The following RARB variants were observed in gnomAD, a reference collection of about 807,000 sequenced individuals.
RARB encodes retinoic acid receptor beta.
RARB carries 17 observed loss-of-function variants against 51.9 expected under a neutral mutation model. The ratio of observed to expected loss-of-function variants is 0.33; its 90% confidence interval spans 0.22 to 0.49. RARB has a LOEUF of 0.49. Ranked by LOEUF, RARB falls within the 20% of genes least tolerant of loss-of-function variation. The pLI is 0.99. For missense variants in RARB, 369 were observed against 550.8 expected (o/e 0.67, Z 3.30); for synonymous variants, 215 against 195.4 (o/e 1.10, Z -0.84).
chr3:24,887,720 A>T (rs1294210567), intron 2 of RARB, among the ~76,000 whole-genome samples: 1 of 152,194 alleles, frequency 6.6e-6, no homozygotes, highest in Admixed American at 6.6e-5. Context: ...GTCTTAAATT[A>T]TCTTTTTCCT....
chr3:25,571,324 A>G (rs1271889901), intron 4 of RARB, among the ~76,000 whole-genome samples: 1 of 152,244 alleles, frequency 6.6e-6, no homozygotes, highest in Admixed American at 6.5e-5. Context: ...GGCATGGCCT[A>G]GGGGCATTTC....
Position 25,501,184 on chromosome 3 carries a change from CT to C in RARB, c.314del (p.Phe105SerfsTer9), listed in dbSNP as rs1366268898. 6.4e-6 allele frequency: 10 copies of C among 1,569,248 alleles called. No homozygotes were observed. The highest frequency in any genetic ancestry group is 2.4e-5 in the South Asian group (2 of 82,988). ...GVSACEGCKG[F>X]FRRSIQKNMI... ...TTCATCTTCTTGCTTGCTTGCAGGGCTTTTTCCGCAGAAGTATTCAGAAGAA... is the reference window on the plus strand; with the variant it reads ...TTCATCTTCTTGCTTGCTTGCAGGGCTTTTCCGCAGAAGTATTCAGAAGAA... On this transcript the variant is annotated frameshift_variant, in exon 3 of 8. Transcript: ENST00000330688. LOFTEE classifies it high-confidence loss of function.
At chr3:25,344,247 A>T (rs1705320385) in intron 5 of RARB, among the ~76,000 whole-genome samples, 1 of 152,222 alleles carries the variant, frequency 6.6e-6, no homozygotes, top group Admixed American at 6.5e-5. Context: ...GAAGATAGTC[A>T]CATCATACGT....
intron 2 of RARB, among the ~76,000 whole-genome samples, chr3:24,875,131 AAAG>A (rs1255951089): frequency 3.3e-5 from 5 of 152,154 alleles, no homozygotes; most frequent in African/African-American, 4.8e-5. Context: ...ATTTTTAAAA[AAAG>A]ATTTACATAC....
intron 5 of RARB, among the ~76,000 whole-genome samples, chr3:25,420,838 G>A (rs943001228): frequency 7.9e-5 from 12 of 151,942 alleles, no homozygotes; most frequent in Admixed American, 4.6e-4. Flanking sequence ...GTAGAAGAAC[G>A]GGTAGGTGAA....
intron 5 of RARB, among the ~76,000 whole-genome samples, chr3:25,374,297 T>C (rs1290433856): frequency 6.6e-6 from 1 of 152,044 alleles, no homozygotes; most frequent in Non-Finnish European, 1.5e-5. Flanking sequence ...GGTACACAAG[T>C]CTCAGGACCA....
At chr3:25,285,100 C>G (rs1703617350) in intron 5 of RARB, among the ~76,000 whole-genome samples, 1 of 152,084 alleles carries the variant, frequency 6.6e-6, no homozygotes, top group South Asian at 2.1e-4. Flanking sequence ...ATGGGGCTTC[C>G]AGTTTAATAG....
At chr3:25,443,060 G>A (rs148490345) in intron 1 of RARB, among the ~76,000 whole-genome samples, 147 of 152,246 alleles carry the variant, frequency 9.7e-4, no homozygotes, top group African/African-American at 3.5e-3. Context: ...TCCTGCTTAC[G>A]TGTGTCCTCT....
chr3:24,895,090 A>C (rs1703451478), intron 2 of RARB, among the ~76,000 whole-genome samples: 1 of 152,214 alleles, frequency 6.6e-6, no homozygotes, highest in Non-Finnish European at 1.5e-5. Flanking sequence ...AGGAAAGTAA[A>C]GTTGCCTATT....
intron 5 of RARB, among the ~76,000 whole-genome samples, chr3:25,417,990 C>G (rs1287464653): frequency 6.6e-6 from 1 of 152,156 alleles, no homozygotes; most frequent in Non-Finnish European, 1.5e-5. Flanking sequence ...GTCCTCCTCT[C>G]TGGTTTATGT....
chr3:25,408,667 G>T (rs1443761872), intron 5 of RARB, among the ~76,000 whole-genome samples: 1 of 152,080 alleles, frequency 6.6e-6, no homozygotes, highest in Non-Finnish European at 1.5e-5. Context: ...ATTGCTAAGG[G>T]AAGACTTCCC....
At position 24,892,220 on chromosome 3, in the gene RARB, GAAA is replaced by G. The variant is rs35087864; in HGVS notation, c.-380+33481_-380+33483del. 4.6e-3 allele frequency among the ~76,000 whole-genome samples: 622 copies of G among 135,612 alleles called. 4 individuals carry two copies. Among genetic ancestry groups the G allele is most frequent in the African/African-American group, 0.016 (559 of 35,796 alleles). The allele number at this position is 135,612 out of a possible 152,430, so 89.0% of individuals were successfully genotyped here. On this transcript the variant is annotated intron_variant, in intron 2 of 11. Transcript: ENST00000383772. ...TCTAATTCACTTGAATGCCCTCTTA[GAAA>G]AAAAAAAAAAAAGGGATGTAGGTGG...
At chr3:25,468,729 G>A (rs566547531) in intron 2 of RARB, among the ~76,000 whole-genome samples, 66 of 152,176 alleles carry the variant, frequency 4.3e-4, no homozygotes, top group East Asian at 7.7e-4. Flanking sequence ...ACATCTCTGC[G>A]ACAAAAAATT....
At chr3:25,103,029 A>T (rs1025109265) in intron 3 of RARB, among the ~76,000 whole-genome samples, 10 of 152,150 alleles carry the variant, frequency 6.6e-5, no homozygotes, top group Admixed American at 6.5e-4. Context: ...GAACTGCTAG[A>T]CTAGAGAAGA....
At chr3:25,237,802 C>G (rs1702338711) in intron 5 of RARB, among the ~76,000 whole-genome samples, 1 of 152,152 alleles carries the variant, frequency 6.6e-6, no homozygotes, top group Non-Finnish European at 1.5e-5. Context: ...GCCAAAACCG[C>G]AATTACTTTT....
intron 2 of RARB, among the ~76,000 whole-genome samples, chr3:24,877,250 AAG>A (rs1486044538): frequency 1.3e-5 from 2 of 151,964 alleles, no homozygotes; most frequent in Non-Finnish European, 2.9e-5. Context: ...AGTTCTGAAA[AAG>A]AGGATAAATA....
At chr3:25,326,891 A>C (rs1704734726) in intron 5 of RARB, among the ~76,000 whole-genome samples, 1 of 152,026 alleles carries the variant, frequency 6.6e-6, no homozygotes, top group East Asian at 1.9e-4. Flanking sequence ...CACAAAGTGC[A>C]GGTTTGTTAC....
At chr3:25,310,026 C>T (rs1704251127) in intron 5 of RARB, among the ~76,000 whole-genome samples, 1 of 152,192 alleles carries the variant, frequency 6.6e-6, no homozygotes, top group Non-Finnish European at 1.5e-5. Flanking sequence ...GTAGTATTGT[C>T]CTTGCTGGCT....
intron 3 of RARB, among the ~76,000 whole-genome samples, chr3:25,569,477 T>C (rs1286731): frequency 0.078 from 11,851 of 152,210 alleles, 558 homozygotes; most frequent in Admixed American, 0.11. Context: ...GAAAAAGTTC[T>C]CTCACAACAA....
Sources: gnomAD v4.1 joint callset for allele counts (sites outside exome capture counted in the v4.1 genomes callset) on GRCh38, gnomAD v4.1.1 for gene constraint, MANE v1.5 for transcripts, NCBI Gene and HGNC (gene_info 2026-07-23, HGNC 2026-07-21) for gene names.